The following ASPM variants were observed in gnomAD, a reference collection of about 807,000 sequenced individuals.
The protein encoded by ASPM is abnormal spindle-like microcephaly-associated protein.
Under a neutral mutation model 366.4 loss-of-function variants are expected in ASPM, and 256 were observed. The ratio of observed to expected loss-of-function variants is 0.70; its 90% CI spans 0.63 to 0.77. ASPM has a LOEUF of 0.77. Among genes scored for constraint, ASPM ranks in the 30% least tolerant of loss-of-function variants. The pLI is 0.00. For missense variants in ASPM, 4,146 were observed against 4,090.4 expected (o/e 1.01, Z -0.37); for synonymous variants, 1,414 against 1,342.9 (o/e 1.05, Z -1.16).
intron 26 of ASPM, among the ~76,000 whole-genome samples, chr1:197,087,702 T>C (rs1344279662): frequency 2.0e-5 from 3 of 152,158 alleles, no homozygotes; most frequent in Non-Finnish European, 4.4e-5. Flanking sequence ...CTTGCCACCT[T>C]CTTTGATGGT....
intron 17 of ASPM, among the ~76,000 whole-genome samples, chr1:197,107,302 T>G (rs1388766308): frequency 6.6e-6 from 1 of 152,066 alleles, no homozygotes; most frequent in African/African-American, 2.4e-5. Flanking sequence ...CTACTGGGTG[T>G]TACATAATGA....
chr1:197,115,807 C>T (rs1657721389), intron 17 of ASPM, among the ~76,000 whole-genome samples: 1 of 152,142 alleles, frequency 6.6e-6, no homozygotes, highest in African/African-American at 2.4e-5. Context: ...GTTATCCAGA[C>T]TTTGTTGTTC....
chr1:197,111,274 G>A (rs564881226), intron 17 of ASPM, among the ~76,000 whole-genome samples: 1 of 152,008 alleles, frequency 6.6e-6, no homozygotes, highest in East Asian at 1.9e-4. Context: ...AATGGGCAAA[G>A]GACATACACA....
intron 20 of ASPM, among the ~76,000 whole-genome samples, 193 bp downstream of exon 20, chr1:197,093,891 T>C (rs907357617): frequency 1.3e-5 from 2 of 151,806 alleles, no homozygotes; most frequent in Admixed American, 6.6e-5. Flanking sequence ...AACTAGCAAA[T>C]AGTATTTTTA....
Position 197,090,391 on chromosome 1 carries a change from TAA to T in ASPM, c.9637-5_9637-4del, listed in dbSNP as rs753495691. 4.3e-5 allele frequency: 69 copies of T among 1,595,900 alleles called. No homozygotes were observed. Among genetic ancestry groups the T allele is most frequent in the Non-Finnish European group, 5.8e-5 (68 of 1,166,704 alleles). ...CAAGAATAGCCTCTCCATAATGCCTTAAAGAGATAAAACAGAGTAATTTTAAG... is the reference window on the plus strand; with the variant it reads ...CAAGAATAGCCTCTCCATAATGCCTTAGAGATAAAACAGAGTAATTTTAAG... On this transcript the variant is annotated splice_region_variant and splice_polypyrimidine_tract_variant and intron_variant, in intron 23 of 27. Coordinates refer to ENST00000367409, the MANE Select transcript of ASPM (RefSeq NM_018136.5).
intron 7 of ASPM, among the ~76,000 whole-genome samples, chr1:197,131,658 C>G (rs1420751286): frequency 6.6e-6 from 1 of 151,724 alleles, no homozygotes; most frequent in Non-Finnish European, 1.5e-5. Flanking sequence ...TCCCGGGTTC[C>G]CCTCATTCTC....
chr1:197,143,027 G>T lies in ASPM; in HGVS notation c.1225C>A (p.Gln409Lys). ...TTTGATAATGGTACTTTACATGTTT[G>T]CTGAGATGTACACATATATGCCATG... ...DNMAYMCTSQQTCKVPLSNEN... is the reference protein window; with the variant it reads ...DNMAYMCTSQKTCKVPLSNEN... Residue 409 changes from glutamine to lysine, a missense_variant, in exon 3 of 28, where the codon CAA becomes AAA. By Grantham distance (53) the Gln-to-Lys change is moderately conservative. Transcript: ENST00000367409. 6.2e-7 allele frequency: 1 copy of T among 1,612,994 alleles called. No individual in the cohort carries two copies. Among genetic ancestry groups the T allele is most frequent in the Non-Finnish European group, 8.5e-7 (1 of 1,179,130 alleles).
In ASPM at chr1:197,134,656, T is replaced by C. The variant is rs1199292451; in HGVS notation, c.2173+440A>G. 5.3e-5 allele frequency among the ~76,000 whole-genome samples: 8 copies of C among 152,356 alleles called. 1 individual carries two copies. The highest frequency in any genetic ancestry group is 4.6e-4 in the Admixed American group (7 of 15,300). On this transcript the variant is annotated intron_variant, in intron 5 of 27. Transcript: ENST00000367409. ...TTTCACAAGAAAACACTTCAAATGT[T>C]TGAAAGGCACATCTCTACCTGGTCC...
chr1:197,144,899 A>G (rs1232187367), intron 1 of ASPM, among the ~76,000 whole-genome samples: 1 of 152,272 alleles, frequency 6.6e-6, no homozygotes, highest in East Asian at 1.9e-4. Context: ...ATTTTAAAAA[A>G]TAAGAATGGT....
In ASPM at chr1:197,132,272, AAT is replaced by A; in HGVS notation, c.2487+11_2487+12del. The A allele has an allele frequency of 1.3e-6, 2 of 1,587,696 alleles. No homozygotes were observed. Among genetic ancestry groups the A allele is most frequent in the Middle Eastern group, 3.4e-4 (2 of 5,814 alleles). On this transcript the variant is annotated intron_variant, in intron 7 of 27. Transcript: ENST00000367409. ...AAAAAATATTATTTTAGAAACCTGA[AAT>A]ATATGCTTACCTCTAGACCAATTCG...
chr1:197,088,471 C>T (rs1656669837), intron 25 of ASPM, 39 bp from the exon 26 acceptor site: 1 of 1,543,400 alleles, frequency 6.5e-7, no homozygotes, highest in East Asian at 2.3e-5. Context: ...TTGTAATAAA[C>T]ACATACATTT....
At chr1:197,141,470 A>G (rs868223773) in intron 3 of ASPM, among the ~76,000 whole-genome samples, 1 of 152,216 alleles carries the variant, frequency 6.6e-6, no homozygotes, top group African/African-American at 2.4e-5. Context: ...AATAAGGAAC[A>G]TGACTAAATT....
intron 13 of ASPM, 124 bp downstream of exon 13, chr1:197,123,986 G>T: frequency 1.3e-6 from 1 of 777,284 alleles, no homozygotes; most frequent in Non-Finnish European, 2.1e-6. Context: ...CTCATTTGAG[G>T]GAAAGTTTGC....
Position 197,101,656 on chromosome 1 carries a change from TG to T in ASPM, c.7594del (p.His2532IlefsTer13). ...TGCAGCCTGAATAACCACAGCAGAA[TG>T]CCATTGTCTGATATAATTTTCTCTT... ...LQRENYIRQW[H>X]SAVVIQAAYK... On this transcript the variant is annotated frameshift_variant, in exon 18 of 28. Coordinates refer to ENST00000367409, the MANE Select transcript of ASPM (RefSeq NM_018136.5). LOFTEE classifies it high-confidence loss of function. 1 of 1,612,066 alleles carries T rather than the reference TG, an allele frequency of 6.2e-7. No homozygotes were observed. The highest frequency in any genetic ancestry group is 8.5e-7 in the Non-Finnish European group (1 of 1,179,086).
At chr1:197,097,321 T>TC (rs781040116) in intron 18 of ASPM, among the ~76,000 whole-genome samples, 16 of 151,632 alleles carry the variant, frequency 1.1e-4, no homozygotes, top group Non-Finnish European at 1.6e-4. Flanking sequence ...GTAATACGCT[T>TC]CCCCCTGCAC....
Position 197,098,202 on chromosome 1 carries a change from T to TAA in ASPM, c.8821-2040_8821-2039dup, listed in dbSNP as rs572194158. Among the ~76,000 whole-genome samples the TAA allele has an allele frequency of 7.6e-3, 1,133 of 149,970 alleles. 13 individuals are homozygous for TAA. Among genetic ancestry groups the TAA allele is most frequent in the African/African-American group, 0.026 (1,056 of 41,150 alleles). On this transcript the variant is annotated intron_variant, in intron 18 of 27. Coordinates refer to ENST00000367409, the MANE Select transcript of ASPM (RefSeq NM_018136.5). Reference sequence around the variant, plus strand: ...AGAGAAGTTGATATATATATATATATAAAACATACATATTTACATATATAT... The same window carrying TAA: ...AGAGAAGTTGATATATATATATATATAAAAAACATACATATTTACATATATAT...
At position 197,125,052 on chromosome 1, in the gene ASPM, C is replaced by T. The variant is rs756832900; in HGVS notation, c.3076G>A (p.Glu1026Lys). The T allele has an allele frequency of 2.5e-6, 4 of 1,613,794 alleles. No homozygotes were observed. The highest frequency in any genetic ancestry group is 2.2e-5 in the South Asian group (2 of 91,086). ...LKSRGIELSDEHGNTILSKDI... is the reference protein window; with the variant it reads ...LKSRGIELSDKHGNTILSKDI... ...ACCTCTACTCAGTTTTTACCATGCT[C>T]ATCACTTAATTCAATTCCTCGTGAT... Residue 1026 changes from glutamate (E) to lysine (K), a missense_variant, in exon 11 of 28, where the codon GAG becomes AAG. Glu to Lys is a moderately conservative substitution (Grantham distance 56, BLOSUM62 1). This residue lies in a region of ASPM where 3,624 missense variants were observed against 3,591.7 expected (regional missense o/e 1.01). Transcript: ENST00000367409.
intron 17 of ASPM, among the ~76,000 whole-genome samples, chr1:197,113,110 G>A (rs1657636656): frequency 6.6e-6 from 1 of 152,154 alleles, no homozygotes; most frequent in Non-Finnish European, 1.5e-5. Context: ...ATGTAACACA[G>A]GAACAGAAAA....
intron 4 of ASPM, among the ~76,000 whole-genome samples, chr1:197,137,573 T>C (rs1255628683): frequency 1.3e-5 from 2 of 152,116 alleles, no homozygotes; most frequent in Admixed American, 1.3e-4. Context: ...CTCTGCCTCC[T>C]GGGTATAAGC....
Sources: allele counts gnomAD v4.1 joint callset (sites outside exome capture counted in the v4.1 genomes callset), GRCh38; gene constraint gnomAD v4.1.1; regional missense constraint gnomAD v4.1.1; transcripts MANE v1.5; gene names NCBI Gene and HGNC (gene_info 2026-07-23, HGNC 2026-07-21).